The following CATSPERD variants were observed in gnomAD, a reference collection of about 807,000 sequenced individuals.
The protein encoded by CATSPERD is catsper channel auxiliary subunit delta, also known as cation channel sperm-associated auxiliary subunit delta.
Under a neutral mutation model 98.1 loss-of-function variants are expected in CATSPERD, and 86 were observed. The ratio of observed to expected loss-of-function variants is 0.88; its 90% CI spans 0.74 to 1.05. The LOEUF (loss-of-function observed/expected upper bound fraction) is 1.05. Ranked by LOEUF, CATSPERD falls within the 50% of genes least tolerant of loss-of-function variation. The pLI is 0.00. For synonymous variants in CATSPERD, 394 were observed against 390.2 expected (o/e 1.01, Z -0.12); for missense variants, 995 against 1,005.7 (o/e 0.99, Z 0.14).
At chr19:5,762,750 GTGGA>G (rs200544942) in intron 15 of CATSPERD, among the ~76,000 whole-genome samples, 262 of 151,266 alleles carry the variant, frequency 1.7e-3, no homozygotes, top group Middle Eastern at 0.017. Flanking sequence ...AGATGGATGG[GTGGA>G]TGGATGGATG....
intron 18 of CATSPERD, among the ~76,000 whole-genome samples, chr19:5,770,045 C>T (rs1191319026): frequency 8.7e-5 from 13 of 148,644 alleles, no homozygotes; most frequent in African/African-American, 3.2e-4. Flanking sequence ...GCTGAGATCA[C>T]GCCACTGCAC....
At chr19:5,777,657 T>C (rs1056522858) in intron 21 of CATSPERD, among the ~76,000 whole-genome samples, 5 of 151,916 alleles carry the variant, frequency 3.3e-5, no homozygotes, top group African/African-American at 1.2e-4. Context: ...CCAGGACAGG[T>C]GGATCACTTG....
intron 14 of CATSPERD, 72 bp downstream of exon 14, chr19:5,758,004 C>T: frequency 2.2e-6 from 3 of 1,339,692 alleles, no homozygotes; most frequent in Non-Finnish European, 3.1e-6. Flanking sequence ...CCCTTATCAG[C>T]ATAAAAATTT....
At chr19:5,722,267 G>A (rs556566918) in intron 1 of CATSPERD, among the ~76,000 whole-genome samples, 1 of 152,014 alleles carries the variant, frequency 6.6e-6, no homozygotes, top group East Asian at 1.9e-4. Context: ...GATTATGGGC[G>A]CCTGCCACCA....
rs1599545227 is a variant in CATSPERD at position 5,746,027 on chromosome 19, T to C, written c.772T>C (p.Trp258Arg). The change falls in exon 9 of 22, where the codon TGG becomes CGG. Residue 258 changes from tryptophan (W) to arginine (R), a missense_variant. By Grantham distance (101) the Trp-to-Arg change is moderately radical. This residue lies in a region of CATSPERD where 762 missense variants were observed against 773.7 expected (regional missense o/e 0.98). Coordinates refer to ENST00000381624, the MANE Select transcript of CATSPERD (RefSeq NM_152784.4). ...CGGCCAGAGAGGCATCCTGCTCCTATGGTTTGAGAACAGCCTGTTGTTTTC... is the reference window on the plus strand; with the variant it reads ...CGGCCAGAGAGGCATCCTGCTCCTACGGTTTGAGAACAGCCTGTTGTTTTC... Reference protein sequence around the residue: ...APGQRGILLLWFENSLLFSHN... With the variant: ...APGQRGILLLRFENSLLFSHN... The C allele has an allele frequency of 6.2e-7, 1 of 1,614,146 alleles. No homozygotes were observed. The highest frequency in any genetic ancestry group is 1.1e-5 in the South Asian group (1 of 91,076).
chr19:5,743,052 C>G (rs1197186841), intron 7 of CATSPERD, among the ~76,000 whole-genome samples: 1 of 152,168 alleles, frequency 6.6e-6, no homozygotes, highest in African/African-American at 2.4e-5. Context: ...GCCTGTAATC[C>G]CAGCACTTTG....
intron 13 of CATSPERD, among the ~76,000 whole-genome samples, chr19:5,757,532 G>T (rs1232060894): frequency 6.6e-6 from 1 of 151,076 alleles, no homozygotes; most frequent in African/African-American, 2.4e-5. Context: ...CCCGACCTCA[G>T]GTGATCCACC....
At chr19:5,762,058 ATTT>A (rs869295948) in intron 15 of CATSPERD, among the ~76,000 whole-genome samples, 8 of 10,438 alleles carry the variant, frequency 7.7e-4, no homozygotes, top group Non-Finnish European at 1.3e-3. Context: ...ATATATATAT[ATTT>A]TTTTTTTTTT....
chr19:5,747,673 C>T (rs986904959), intron 9 of CATSPERD, among the ~76,000 whole-genome samples: 33 of 143,880 alleles, frequency 2.3e-4, no homozygotes, highest in African/African-American at 7.3e-4. Flanking sequence ...AGTACAGTGG[C>T]GCAATCTCGG....
chr19:5,722,947 G>C (rs1450670707), intron 1 of CATSPERD, among the ~76,000 whole-genome samples: 1 of 151,992 alleles, frequency 6.6e-6, no homozygotes, highest in East Asian at 1.9e-4. Flanking sequence ...CCAGCACTTT[G>C]GGAGGTGGAG....
At position 5,739,307 on chromosome 19, in the gene CATSPERD, T is replaced by C; in HGVS notation, c.460-19T>C. The C allele has an allele frequency of 7.5e-7, 1 of 1,329,744 alleles. No homozygotes were observed. The highest frequency in any genetic ancestry group is 1.1e-6 in the Non-Finnish European group (1 of 938,996). 82.4% of individuals were successfully genotyped at this position (1,329,744 alleles called of 1,614,324 possible). A position where few individuals can be genotyped will look rare whatever the true frequency, so the allele number is the denominator to read the frequency against. On this transcript the variant is annotated intron_variant, in intron 6 of 21. Transcript: ENST00000381624. ...CTGGCATCTTTCTTTCATTCTTTCT[T>C]TCTTTTTTTTTTTTATAGCATGTCA...
chr19:5,723,654 CG>C (rs2055545604), intron 1 of CATSPERD, among the ~76,000 whole-genome samples: 1 of 151,408 alleles, frequency 6.6e-6, no homozygotes, highest in Admixed American at 6.6e-5. Context: ...TTAGTAGAGA[CG>C]GGGTTTCACC....
intron 11 of CATSPERD, 116 bp from the exon 12 acceptor site, chr19:5,751,531 C>A (rs1461955993): frequency 2.3e-4 from 37 of 159,386 alleles, no homozygotes; most frequent in Middle Eastern, 2.6e-3. Flanking sequence ...GAGACTCCAT[C>A]AAAAAAAAAA....
chr19:5,740,459 T>A (rs895949600), intron 7 of CATSPERD, among the ~76,000 whole-genome samples: 1 of 151,584 alleles, frequency 6.6e-6, no homozygotes, highest in African/African-American at 2.4e-5. Context: ...TGGTGCCTCA[T>A]GCCTGTAATC....
chr19:5,723,127 C>T (rs1318950991), intron 1 of CATSPERD, among the ~76,000 whole-genome samples: 2 of 145,516 alleles, frequency 1.4e-5, no homozygotes, highest in African/African-American at 2.5e-5. Context: ...GTGGAGCTTG[C>T]AGTGAGCTGA....
At chr19:5,722,171 G>T (rs1402169650) in intron 1 of CATSPERD, among the ~76,000 whole-genome samples, 3 of 151,610 alleles carry the variant, frequency 2.0e-5, no homozygotes, top group Non-Finnish European at 2.9e-5. Flanking sequence ...GCCCAGGCTG[G>T]AGTACAATGT....
At chr19:5,731,361 G>A (rs1007826798) in intron 4 of CATSPERD, among the ~76,000 whole-genome samples, 5 of 151,478 alleles carry the variant, frequency 3.3e-5, no homozygotes, top group African/African-American at 1.2e-4. Context: ...GGTGGTGCGT[G>A]CCTGTTGTTC....
Position 5,778,630 on chromosome 19 carries a change from C to T in CATSPERD, c.2351C>T (p.Pro784Leu). Residue 784 changes from proline (P) to leucine (L), a missense_variant, in exon 22 of 22, where the codon CCC (proline) becomes CTC (leucine). Physicochemically the swap from Pro to Leu is moderately conservative, Grantham distance 98. This residue lies in a region of CATSPERD where 762 missense variants were observed against 773.7 expected (regional missense o/e 0.98). Coordinates refer to ENST00000381624, the MANE Select transcript of CATSPERD (RefSeq NM_152784.4). ...ASATARAGTEPPGRHRTPHGG... is the reference protein window; with the variant it reads ...ASATARAGTELPGRHRTPHGG... Reference sequence around the variant, plus strand: ...GCCACAGCCAGGGCAGGCACAGAGCCCCCGGGACGCCACCGCACTCCTCAC... The same window carrying T: ...GCCACAGCCAGGGCAGGCACAGAGCTCCCGGGACGCCACCGCACTCCTCAC... 2 of 1,613,654 alleles carry T rather than the reference C, an allele frequency of 1.2e-6. No individual in the cohort carries two copies. Among genetic ancestry groups the T allele is most frequent in the Non-Finnish European group, 1.7e-6 (2 of 1,180,024 alleles).
At chr19:5,774,561 C>T (rs181886911) in intron 20 of CATSPERD, among the ~76,000 whole-genome samples, 25 of 151,968 alleles carry the variant, frequency 1.6e-4, no homozygotes, top group Non-Finnish European at 1.0e-4. Context: ...TAGTGGTGCA[C>T]GCCTGTAATC....
Sources: allele counts gnomAD v4.1 joint callset (sites outside exome capture counted in the v4.1 genomes callset), GRCh38; gene constraint gnomAD v4.1.1; regional missense constraint gnomAD v4.1.1; transcripts MANE v1.5; gene names NCBI Gene and HGNC (gene_info 2026-07-23, HGNC 2026-07-21).